Variants in INTS1 observed in about 807,000 individuals in gnomAD.
INTS1 encodes the protein integrator complex subunit 1.
INTS1 carries 137 observed loss-of-function variants against 241.6 expected under a neutral mutation model. The ratio of observed to expected loss-of-function variants is 0.57; its 90% confidence interval spans 0.49 to 0.65. The LOEUF is 0.65. Ranked by LOEUF, INTS1 falls within the 30% of genes least tolerant of loss-of-function variation. INTS1 has a pLI of 0.00. For synonymous variants in INTS1, 1,692 were observed against 1,337.8 expected (o/e 1.26, Z -5.78); for missense variants, 3,073 against 3,032.2 (o/e 1.01, Z -0.32).
chr7:1,494,439 C>A (rs1456130733), intron 14 of INTS1: 2 of 321,954 alleles, frequency 6.2e-6, no homozygotes, highest in Non-Finnish European at 1.2e-5. Context: ...AGCTGTGAGG[C>A]CAGCCGGCTG....
At position 1,479,522 on chromosome 7, in the gene INTS1, G is replaced by A. The variant is rs1781891350; in HGVS notation, c.4237C>T (p.Leu1413Phe). The A allele has an allele frequency of 1.3e-6, 2 of 1,566,376 alleles. No individual in the cohort carries two copies. Among genetic ancestry groups the A allele is most frequent in the South Asian group, 1.2e-5 (1 of 85,084 alleles). Residue 1413 changes from leucine to phenylalanine, a missense_variant, in exon 31 of 48, where the codon CTC becomes TTC. Transcript: ENST00000404767. ...VRVLQALATL[L>F]SSPHGGALVM... is the part of the protein sequence containing the mutation. ...AGGGCACCGCCGTGTGGGGAGCTGAGCAGGGTGGCGAGGGCCTGCAGGACA... is the reference window on the plus strand; with the variant it reads ...AGGGCACCGCCGTGTGGGGAGCTGAACAGGGTGGCGAGGGCCTGCAGGACA...
chr7:1,493,280 G>C lies in INTS1; in HGVS notation c.2069-174C>G, dbSNP rs997374850. 6.6e-6 allele frequency among the ~76,000 whole-genome samples: 1 copy of C among 152,036 alleles called. No homozygotes were observed. Among genetic ancestry groups the C allele is most frequent in the African/African-American group, 2.4e-5 (1 of 41,382 alleles). The stretch of plus-strand genomic sequence containing the variant: ...AAGCTTGGCTTCTCACTGGGAAACA[G>C]GGCACTTTGCTCTCGGGGACACCTG... On this transcript the variant is annotated intron_variant, in intron 15 of 47. Transcript: ENST00000404767. The surrounding 1 kb of genome is among the most constrained non-coding windows in gnomAD (Gnocchi z 5.3).
At chr7:1,494,130 C>T (rs1583147664) in intron 14 of INTS1, among the ~76,000 whole-genome samples, 1 of 152,160 alleles carries the variant, frequency 6.6e-6, no homozygotes, top group South Asian at 2.1e-4. Context: ...GGGAGGCTAC[C>T]CCCACCCCAA....
chr7:1,496,700 G>A (rs73277913), intron 11 of INTS1, among the ~76,000 whole-genome samples: 12,011 of 152,164 alleles, frequency 0.079, 1,260 homozygotes, highest in African/African-American at 0.24. Flanking sequence ...AGCCCCGTCC[G>A]CAAAACAGGC....
rs3735661 is a variant in INTS1, at chr7:1,497,090, G to A, written c.1602+48C>T. The stretch of plus-strand genomic sequence containing the variant: ...CCCAGGACGAGGGGGATGGCGGCGC[G>A]TGGAACCCGCAGTGAGGGAAAGGCG... On this transcript the variant is annotated intron_variant, in intron 11 of 47. Coordinates refer to ENST00000404767, the MANE Select transcript of INTS1 (RefSeq NM_001080453.3). This position sits in a 1 kb window ranked among gnomAD's most constrained non-coding sequence, Gnocchi z 5.3. 6.0e-5 allele frequency: 92 copies of A among 1,533,582 alleles called. No homozygotes were observed. In the East Asian group the frequency reaches 1.6e-3, roughly 26 times the overall value. 95.0% of individuals were successfully genotyped at this position (1,533,582 alleles called of 1,614,324 possible).
chr7:1,476,219 G>T lies in INTS1; in HGVS notation c.5378+10C>A. On this transcript the variant is annotated intron_variant, in intron 38 of 47. Coordinates refer to ENST00000404767, the MANE Select transcript of INTS1 (RefSeq NM_001080453.3). ...CCCAGGCAGCATCTGGGGCCGGGGGGCCTGAGCACCTGTCTCCCCACTGCT... is the reference window on the plus strand; with the variant it reads ...CCCAGGCAGCATCTGGGGCCGGGGGTCCTGAGCACCTGTCTCCCCACTGCT... 3 of 1,546,834 alleles carry T rather than the reference G, an allele frequency of 1.9e-6. No individual in the cohort carries two copies. Among genetic ancestry groups the T allele is most frequent in the South Asian group, 2.4e-5 (2 of 84,064 alleles).
At chr7:1,502,528 T>A (rs144114797) in intron 3 of INTS1, among the ~76,000 whole-genome samples, 1 of 151,876 alleles carries the variant, frequency 6.6e-6, no homozygotes, top group Non-Finnish European at 1.5e-5. Context: ...TCCGCTCAGG[T>A]TGAGAGAGGA....
chr7:1,479,406 C>G (rs547066674), intron 31 of INTS1, 24 bp downstream of exon 31: 64 of 1,556,174 alleles, frequency 4.1e-5, no homozygotes, highest in African/African-American at 1.6e-4. Context: ...CCTCCTCCCC[C>G]GCAAGAGGCC....
rs1782802528 is a variant in INTS1 at position 1,495,512 on chromosome 7, T to A, written c.1753A>T (p.Ile585Phe). ...AGCCACCAGACGGCATCCCGCTGGA[T>A]GGCGGCAATCTGGTTCTGGAATGAG... ...LRSFQNQIAAIQRDAVWWLHT... is the reference protein window; with the variant it reads ...LRSFQNQIAAFQRDAVWWLHT... The change falls in exon 13 of 48, where the codon ATC (isoleucine) becomes TTC (phenylalanine). Residue 585 changes from isoleucine to phenylalanine, a missense_variant. Physicochemically the swap from Ile to Phe is conservative, Grantham distance 21. Transcript: ENST00000404767. 1 of 1,612,464 alleles carries A rather than the reference T, an allele frequency of 6.2e-7. No individual in the cohort carries two copies. Among genetic ancestry groups the A allele is most frequent in the Non-Finnish European group, 8.5e-7 (1 of 1,179,670 alleles).
chr7:1,496,316 C>T (rs1782852500), intron 11 of INTS1, 52 bp from the exon 12 acceptor site: 1 of 1,055,194 alleles, frequency 9.5e-7, no homozygotes, highest in South Asian at 1.3e-5. Flanking sequence ...GGGAGCCCCA[C>T]TCCACACCCA....
At chr7:1,496,016 C>A in intron 12 of INTS1, 140 bp downstream of exon 12, 1 of 653,268 alleles carries the variant, frequency 1.5e-6, no homozygotes. Flanking sequence ...AGCTTCCAGG[C>A]TCCGTGTCCC....
At chr7:1,496,668 T>C (rs891228337) in intron 11 of INTS1, among the ~76,000 whole-genome samples, 3 of 150,892 alleles carry the variant, frequency 2.0e-5, no homozygotes, top group South Asian at 4.2e-4. Flanking sequence ...AGGAGGGAGG[T>C]TCAGTCAACA....
In INTS1 at chr7:1,477,861, T is replaced by A. The variant is rs775223904; in HGVS notation, c.4706A>T (p.Asp1569Val). 14 of 1,612,422 alleles carry A rather than the reference T, an allele frequency of 8.7e-6. No homozygotes were observed. In the South Asian group the frequency reaches 1.4e-4, roughly 16 times the overall value. The change falls in exon 34 of 48, where the codon GAT becomes GTT. Residue 1569 changes from aspartate (D) to valine (V), a missense_variant. Transcript: ENST00000404767. ...ACAGGCTGGAAACGGGGAGGCAGCA[T>A]CCGCAGTGGCAGAGAAGAATGCAGT... ...LLTAFFSATA[D>V]AASPFPACKP...
At chr7:1,504,221 G>A (rs1024605320) in intron 1 of INTS1, 102 bp downstream of exon 1, 5 of 531,412 alleles carry the variant, frequency 9.4e-6, no homozygotes, top group Middle Eastern at 9.6e-4. Context: ...CGGGCTGGAG[G>A]CGGCAGAACC....
chr7:1,500,334 C>T lies in INTS1; in HGVS notation c.382G>A (p.Ala128Thr), dbSNP rs1783106141. Residue 128 changes from alanine to threonine, a missense_variant, in exon 4 of 48, where the codon GCG becomes ACG. Ala to Thr is a moderately conservative substitution (Grantham distance 58). Coordinates refer to ENST00000404767, the MANE Select transcript of INTS1 (RefSeq NM_001080453.3). The stretch of plus-strand genomic sequence containing the variant: ...TCATCGTTGCCCTCCAGCTCGGCCG[C>T]CTCGATCTCATCCAGCAGCACCGTG... ...LPTVLLDEIE[A>T]AELEGNDDRI... 3 of 1,586,388 alleles carry T rather than the reference C, an allele frequency of 1.9e-6. No individual in the cohort carries two copies. The highest frequency in any genetic ancestry group is 2.7e-5 in the African/African-American group (2 of 74,534).
At chr7:1,495,645 G>A (rs1583152018) in intron 12 of INTS1, 92 bp from the exon 13 acceptor site, 2 of 1,493,392 alleles carry the variant, frequency 1.3e-6, no homozygotes, top group South Asian at 2.5e-5. Context: ...GCTGGCACTT[G>A]GGAGGGGGTA....
In INTS1 at chr7:1,470,949, T is replaced by C. The variant is rs773020115; in HGVS notation, c.6354A>G (p.Ala2118=). Residue 2118 remains alanine, a synonymous_variant, in exon 47 of 48, where the codon GCA becomes GCG. Transcript: ENST00000404767. ...ACATGAACGTGGGCAGGAAAGCGGC[T>C]GCAATGCTGAAAGACCCACACACTT... ...LRSMQNSPSI[A]AAFLPTFMYC... 1.3e-5 allele frequency: 20 copies of C among 1,563,336 alleles called. No individual in the cohort carries two copies. In the Admixed American group the frequency reaches 2.5e-4, roughly 19 times the overall value.
intron 16 of INTS1, among the ~76,000 whole-genome samples, chr7:1,491,625 G>T (rs4436032): frequency 3.3e-5 from 5 of 151,834 alleles, no homozygotes; most frequent in Admixed American, 6.6e-5. Flanking sequence ...GCCAGGCGCG[G>T]TGTGGCTCAT....
At position 1,495,447 on chromosome 7, in the gene INTS1, C is replaced by T. The variant is rs1314292909; in HGVS notation, c.1818G>A (p.Lys606=). The part of the protein sequence containing the change: ...VVPSISKLAP[K]DYVHCLHKVL... ...CCCAGCCGCACCAGTGCACGTAGTC[C>T]TTAGGGGCGAGCTTGCTGATGGAGG... Residue 606 remains lysine, a synonymous_variant, in exon 13 of 48, where the codon AAG becomes AAA. Transcript: ENST00000404767. The T allele has an allele frequency of 6.2e-7, 1 of 1,612,260 alleles. No individual in the cohort carries two copies.
Sources: gnomAD v4.1 joint callset for allele counts (sites outside exome capture counted in the v4.1 genomes callset) on GRCh38, gnomAD v4.1.1 for gene constraint, Gnocchi (gnomAD v3.1) non-coding constraint, MANE v1.5 for transcripts, NCBI Gene and HGNC (gene_info 2026-07-23, HGNC 2026-07-21) for gene names.